The following NFU1 variants were observed in gnomAD, a reference collection of about 807,000 sequenced individuals.
NFU1 encodes NFU1 iron-sulfur cluster scaffold, also known as NFU1 iron-sulfur cluster scaffold homolog, mitochondrial.
In NFU1, 30 loss-of-function variants were observed where a neutral mutation model predicts 32.2. The observed-to-expected ratio is 0.93, with a 90% CI of 0.70 to 1.26. NFU1 has a LOEUF of 1.26. Among genes scored for constraint, NFU1 ranks in the 50% most tolerant of loss-of-function variants. The pLI is 0.00. For synonymous variants in NFU1, 112 were observed against 104.6 expected, an observed-to-expected ratio of 1.07 and a Z score of -0.43; for missense variants, 306 against 306.6, an observed-to-expected ratio of 1.00 and a Z score of 0.02.
chr2:69,406,816 T>C (rs1266727422), intron 5 of NFU1, among the ~76,000 whole-genome samples: 1 of 152,300 alleles, frequency 6.6e-6, no homozygotes, highest in Middle Eastern at 3.4e-3. Flanking sequence ...AAATCTCATC[T>C]TGAACTTCAG....
intron 6 of NFU1, among the ~76,000 whole-genome samples, chr2:69,404,118 G>T (rs139699211): frequency 6.6e-6 from 1 of 151,300 alleles, no homozygotes; most frequent in East Asian, 2.0e-4. Context: ...GATTACAGGC[G>T]TGAGGCACCG....
At chr2:69,439,525 A>T (rs1673992713), upstream of NFU1, among the ~76,000 whole-genome samples, 1 of 152,216 alleles carries the variant, frequency 6.6e-6, no homozygotes, top group Non-Finnish European at 1.5e-5. Flanking sequence ...AGAGCAAAAG[A>T]ACAAAGCTTT....
At chr2:69,403,133 T>G (rs1442492468) in intron 6 of NFU1, among the ~76,000 whole-genome samples, 5 of 151,490 alleles carry the variant, frequency 3.3e-5, no homozygotes, top group Non-Finnish European at 7.4e-5. Context: ...ATCTGCCACC[T>G]TGGCCTCCCA....
Position 69,419,573 on chromosome 2 carries a change from C to T in NFU1, c.334G>A (p.Val112Ile), listed in dbSNP as rs750812769. 193 of 1,591,800 alleles carry T rather than the reference C, an allele frequency of 1.2e-4. 2 individuals carry two copies. The South Asian group carries it at 2.1e-3, about 17-fold the overall frequency. ...QLFRIEGVKSVFFGPDFITVT... is the reference protein window; with the variant it reads ...QLFRIEGVKSIFFGPDFITVT... ...GTGATGAAATCTGGTCCAAAGAAGACACTTTTTACTCCTTCAATCCTAAAT... is the reference window on the plus strand; with the variant it reads ...GTGATGAAATCTGGTCCAAAGAAGATACTTTTTACTCCTTCAATCCTAAAT... Residue 112 changes from valine to isoleucine, a missense_variant, in exon 4 of 8, where the codon GTC becomes ATC. Coordinates refer to ENST00000410022, the MANE Select transcript of NFU1 (RefSeq NM_001002755.4).
chr2:69,436,806 A>G (rs1673854260), intron 1 of NFU1, among the ~76,000 whole-genome samples: 2 of 150,702 alleles, frequency 1.3e-5, no homozygotes, highest in Non-Finnish European at 3.0e-5. Flanking sequence ...CGGAAAAAAC[A>G]AGGGAACAGA....
chr2:69,408,083 A>G (rs1672758650), intron 5 of NFU1, among the ~76,000 whole-genome samples: 1 of 152,068 alleles, frequency 6.6e-6, no homozygotes, highest in African/African-American at 2.4e-5. Flanking sequence ...AAAAGCTAAA[A>G]CTGTCTTAGA....
Position 69,400,441 on chromosome 2 carries a change from T to C in NFU1, c.643A>G (p.Ser215Gly). The C allele has an allele frequency of 1.9e-6, 3 of 1,614,126 alleles. No homozygotes were observed. In the South Asian group the frequency reaches 3.3e-5, roughly 18 times the overall value. ...KLQGSCTSCP[S>G]SIITLKNGIQ... ...CCATTTTTCAGAGTAATGATTGAAC[T>C]AGGGCAGCTGGTACAAGAACCCTGG... Residue 215 changes from serine (S) to glycine (G), a missense_variant, in exon 7 of 8, where the codon AGT (serine) becomes GGT (glycine). By Grantham distance (56) the Ser-to-Gly change is moderately conservative (BLOSUM62 0). Coordinates refer to ENST00000410022, the MANE Select transcript of NFU1 (RefSeq NM_001002755.4).
At chr2:69,421,305 C>A (rs187905258) in intron 3 of NFU1, among the ~76,000 whole-genome samples, 1 of 151,826 alleles carries the variant, frequency 6.6e-6, no homozygotes. Context: ...AAAAAAAGTA[C>A]CTATTAATTA....
chr2:69,404,390 G>A (rs1045414282), intron 6 of NFU1, among the ~76,000 whole-genome samples: 7 of 149,860 alleles, frequency 4.7e-5, no homozygotes, highest in African/African-American at 1.7e-4. Context: ...TACTCAGGAG[G>A]CTGAGGCAGG....
chr2:69,420,394 T>A lies in NFU1; in HGVS notation c.303-790A>T, dbSNP rs79369107. ...CTAACTAATCTATAACTGAATTAAT[T>A]GGGGCTTTTTTACTTTTACTTTTTT... On this transcript the variant is annotated intron_variant, in intron 3 of 7. Transcript: ENST00000410022. Among the ~76,000 whole-genome samples, 954 of 152,354 alleles carry A rather than the reference T, an allele frequency of 6.3e-3. 16 individuals are homozygous for A. Among genetic ancestry groups the A allele is most frequent in the African/African-American group, 0.022 (908 of 41,588 alleles).
Position 69,437,371 on chromosome 2 carries a change from G to GC in NFU1, c.51dup (p.Leu18AlafsTer16). The GC allele has an allele frequency of 6.2e-7, 1 of 1,608,096 alleles. No homozygotes were observed. Among genetic ancestry groups the GC allele is most frequent in the Non-Finnish European group, 8.5e-7 (1 of 1,178,790 alleles). On this transcript the variant is annotated frameshift_variant, in exon 1 of 8. Transcript: ENST00000410022. LOFTEE classifies it high-confidence loss of function. The stretch of plus-strand genomic sequence containing the variant: ...AGGCTCGTCACCTACCGCCTGCGCA[G>GC]CCCGGCGGCAACAGCCGCAGCTCCC...
At chr2:69,416,239 C>T (rs1426038836) in intron 4 of NFU1, 2 of 149,878 alleles carry the variant, frequency 1.3e-5, no homozygotes, top group Non-Finnish European at 3.0e-5. Flanking sequence ...AAACGAATTT[C>T]AGAAGATAAA....
Position 69,431,982 on chromosome 2 carries a change from G to A in NFU1, c.86C>T (p.Pro29Leu). ...CAGAGGCTGTTTCTTAATGGTGTAT[G>A]GATTCTTCAACATATGACAGAACCT... ...RRRFCHMLKN[P>L]YTIKKQPLHQ... is the part of the protein sequence containing the mutation. The change falls in exon 2 of 8, where the codon CCA becomes CTA. Residue 29 changes from proline (P) to leucine (L), a missense_variant. Coordinates refer to ENST00000410022, the MANE Select transcript of NFU1 (RefSeq NM_001002755.4). The A allele has an allele frequency of 6.2e-7, 1 of 1,612,366 alleles. No homozygotes were observed. Among genetic ancestry groups the A allele is most frequent in the Non-Finnish European group, 8.5e-7 (1 of 1,178,512 alleles).
At chr2:69,422,621 C>T (rs549820545) in intron 3 of NFU1, among the ~76,000 whole-genome samples, 5 of 150,382 alleles carry the variant, frequency 3.3e-5, no homozygotes, top group Admixed American at 6.6e-5. Flanking sequence ...AATATTTTTT[C>T]TTAAGTAAAA....
At chr2:69,412,418 G>A (rs1018108576) in intron 5 of NFU1, among the ~76,000 whole-genome samples, 1 of 148,482 alleles carries the variant, frequency 6.7e-6, no homozygotes, top group Non-Finnish European at 1.5e-5. Context: ...ATGGAGTCTC[G>A]CCCTGTCTCC....
intron 2 of NFU1, among the ~76,000 whole-genome samples, chr2:69,427,810 C>T (rs1673514430): frequency 6.6e-6 from 1 of 150,950 alleles, no homozygotes. Flanking sequence ...GGTGAAACCC[C>T]GTCTCTACAG....
chr2:69,399,416 A>G (rs1481360104), intron 7 of NFU1: 1 of 454,758 alleles, frequency 2.2e-6, no homozygotes, highest in East Asian at 7.0e-5. Context: ...AAATGTTGAT[A>G]TTGTGCTACA....
intron 2 of NFU1, among the ~76,000 whole-genome samples, chr2:69,428,199 C>A (rs576616254): frequency 6.6e-6 from 1 of 151,960 alleles, no homozygotes; most frequent in African/African-American, 2.4e-5. Context: ...CCAAGGCAGG[C>A]GGATCACCTG....
chr2:69,437,113 G>A (rs1673867833), intron 1 of NFU1, among the ~76,000 whole-genome samples: 1 of 152,234 alleles, frequency 6.6e-6, no homozygotes, highest in South Asian at 2.1e-4. Context: ...GTACCGCAGA[G>A]ACTCAAGAAC....
Sources: gnomAD v4.1 joint callset for allele counts (sites outside exome capture counted in the v4.1 genomes callset) on GRCh38, gnomAD v4.1.1 for gene constraint, MANE v1.5 for transcripts, NCBI Gene and HGNC (gene_info 2026-07-23, HGNC 2026-07-21) for gene names.